VTI1A: variants seen among roughly 807,000 people sequenced by gnomAD.
VTI1A encodes vesicle transport through interaction with t-SNAREs homolog 1A.
Under a neutral mutation model 34.9 loss-of-function variants are expected in VTI1A, and 22 were observed. The ratio of observed to expected loss-of-function variants is 0.63; its 90% CI spans 0.45 to 0.90. The LOEUF (loss-of-function observed/expected upper bound fraction) is 0.90. Ranked by LOEUF, VTI1A falls within the 40% of genes least tolerant of loss-of-function variation. The pLI is 0.00. For synonymous variants in VTI1A, 87 were observed against 97.3 expected (o/e 0.89, Z 0.62); for missense variants, 268 against 275.6 (o/e 0.97, Z 0.20).
intron 5 of VTI1A, among the ~76,000 whole-genome samples, chr10:112,661,514 T>C (rs781544490): frequency 1.6e-4 from 24 of 152,242 alleles, no homozygotes; most frequent in Non-Finnish European, 2.9e-4. Context: ...CAGCCTGAAT[T>C]ATTTCCCTTA....
At chr10:112,690,424 T>C (rs182582665) in intron 7 of VTI1A, among the ~76,000 whole-genome samples, 57 of 152,310 alleles carry the variant, frequency 3.7e-4, no homozygotes, top group African/African-American at 1.3e-3. Flanking sequence ...TCTTAAAGCA[T>C]CCAAACACTC....
intron 5 of VTI1A, among the ~76,000 whole-genome samples, chr10:112,655,121 A>G (rs766017112): frequency 6.6e-6 from 1 of 152,182 alleles, no homozygotes; most frequent in Non-Finnish European, 1.5e-5. Context: ...TAGAAATGCA[A>G]CTTCTTGTCC....
At chr10:112,671,516 G>A (rs754280182) in intron 7 of VTI1A, among the ~76,000 whole-genome samples, 16 of 152,306 alleles carry the variant, frequency 1.1e-4, no homozygotes, top group Admixed American at 2.6e-4. Context: ...CCAAGGAGTT[G>A]CTTTATTTAA....
intron 3 of VTI1A, among the ~76,000 whole-genome samples, chr10:112,521,645 C>G (rs1333402134): frequency 6.6e-6 from 1 of 152,030 alleles, no homozygotes; most frequent in African/African-American, 2.4e-5. Context: ...AATGCTCTCT[C>G]TGTTCTTTTC....
intron 5 of VTI1A, among the ~76,000 whole-genome samples, chr10:112,544,765 A>G (rs552818758): frequency 2.0e-5 from 3 of 152,298 alleles, no homozygotes; most frequent in South Asian, 2.1e-4. Context: ...TTCTGAGAAG[A>G]GGGAAGAGCA....
At chr10:112,838,059 C>A in the VTI1A span, among the ~76,000 whole-genome samples, 1 of 152,218 alleles carries the variant, frequency 6.6e-6, no homozygotes, top group African/African-American at 2.4e-5. Context: ...TATTCAGGAC[C>A]GAGGCCAGTG....
chr10:112,519,112 A>T (rs4554812), intron 3 of VTI1A, among the ~76,000 whole-genome samples: 20,401 of 152,066 alleles, frequency 0.13, 1,632 homozygotes, highest in East Asian at 0.28. Flanking sequence ...TAATAAAGAA[A>T]CTGTCGCAAC....
chr10:112,777,536 A>C (rs2134031719), intron 7 of VTI1A, among the ~76,000 whole-genome samples: 1 of 152,336 alleles, frequency 6.6e-6, no homozygotes, highest in East Asian at 1.9e-4. Context: ...GAAAGTGAAA[A>C]CAAGACTTCG....
At chr10:112,739,961 G>A (rs965886014) in intron 7 of VTI1A, among the ~76,000 whole-genome samples, 2 of 152,202 alleles carry the variant, frequency 1.3e-5, no homozygotes, top group Non-Finnish European at 2.9e-5. Flanking sequence ...ATTATGCATT[G>A]CAATTAAGAC....
chr10:112,663,272 G>C (rs1006160922), intron 5 of VTI1A, among the ~76,000 whole-genome samples: 3 of 152,160 alleles, frequency 2.0e-5, no homozygotes, highest in African/African-American at 4.8e-5. Context: ...TCTATGGCAG[G>C]CTCATTCTCA....
intron 3 of VTI1A, among the ~76,000 whole-genome samples, chr10:112,489,850 AAC>A (rs1268577455): frequency 1.3e-5 from 2 of 152,224 alleles, no homozygotes; most frequent in East Asian, 3.8e-4. Context: ...TTGTAGAATG[AAC>A]ATTTGCCTGA....
chr10:112,634,460 A>G (rs900427532), intron 5 of VTI1A, among the ~76,000 whole-genome samples: 1 of 151,536 alleles, frequency 6.6e-6, no homozygotes, highest in African/African-American at 2.4e-5. Flanking sequence ...GATTATCAAT[A>G]TCATACCATT....
chr10:112,604,610 C>G (rs1022687783), intron 5 of VTI1A, among the ~76,000 whole-genome samples: 3 of 152,224 alleles, frequency 2.0e-5, no homozygotes, highest in Non-Finnish European at 4.4e-5. Context: ...AGATGTATCT[C>G]TGGTTCTACA....
intron 5 of VTI1A, among the ~76,000 whole-genome samples, chr10:112,555,138 G>A (rs1211778403): frequency 2.0e-5 from 3 of 151,844 alleles, no homozygotes; most frequent in Non-Finnish European, 2.9e-5. Context: ...TTTCTAACAT[G>A]TTACTATTTA....
chr10:112,820,518 G>A (rs557753300), downstream of VTI1A, among the ~76,000 whole-genome samples: 1 of 152,370 alleles, frequency 6.6e-6, no homozygotes, highest in Admixed American at 6.5e-5. Flanking sequence ...CAGTCAGGTG[G>A]CTCTCAGCCC....
At chr10:112,848,276 C>G in the VTI1A span, among the ~76,000 whole-genome samples, 4 of 152,198 alleles carry the variant, frequency 2.6e-5, no homozygotes, top group Non-Finnish European at 4.4e-5. Context: ...AATTAATTAA[C>G]TAGCCATTTC....
chr10:112,548,650 G>T, intron 5 of VTI1A: 1 of 1,098,320 alleles, frequency 9.1e-7, no homozygotes, highest in Non-Finnish European at 1.4e-6. Flanking sequence ...GAGCTTTCTG[G>T]GAAGACTTGG....
intron 5 of VTI1A, among the ~76,000 whole-genome samples, chr10:112,601,589 G>C (rs546148359): frequency 3.9e-5 from 6 of 152,200 alleles, no homozygotes; most frequent in African/African-American, 1.4e-4. Context: ...CTCATCCTAG[G>C]AAGTAGGTTT....
intron 3 of VTI1A, among the ~76,000 whole-genome samples, chr10:112,517,523 G>A (rs1182536295): frequency 1.3e-5 from 2 of 152,060 alleles, no homozygotes; most frequent in African/African-American, 4.8e-5. Context: ...CTAATGCATA[G>A]TGAGTACAAC....
Sources: gnomAD v4.1 joint callset for allele counts (sites outside exome capture counted in the v4.1 genomes callset) on GRCh38, gnomAD v4.1.1 for gene constraint, MANE v1.5 for transcripts, NCBI Gene and HGNC (gene_info 2026-07-23, HGNC 2026-07-21) for gene names.